PLAC8: variants seen among roughly 807,000 people sequenced by gnomAD.
The protein encoded by PLAC8 is placenta-specific gene 8 protein.
Under a neutral mutation model 12.6 loss-of-function variants are expected in PLAC8, and 6 were observed. The ratio of observed to expected loss-of-function variants is 0.48; its 90% CI spans 0.26 to 0.94. The LOEUF (loss-of-function observed/expected upper bound fraction) is 0.94, where lower values mean the gene tolerates loss of function less well. Among genes scored for constraint, PLAC8 ranks in the 40% least tolerant of loss-of-function variants. The probability of loss-of-function intolerance (pLI) is 0.14; values close to 1 mark genes in which losing one functional copy is unlikely to be tolerated. For missense variants in PLAC8, 122 were observed against 152.7 expected (o/e 0.80, Z 1.06); for synonymous variants, 54 against 52.6 (o/e 1.03, Z -0.11).
At chr4:83,107,996 G>A in intron 1 of PLAC8, 46 bp from the exon 2 acceptor site, 1 of 125,468 alleles carries the variant, frequency 8.0e-6, no homozygotes, top group Non-Finnish European at 1.6e-5. Context: ...TGGGGTGGGG[G>A]GAGGGGAGAG....
chr4:83,092,060 C>G (rs1223952807), intron 4 of PLAC8, among the ~76,000 whole-genome samples: 1 of 152,098 alleles, frequency 6.6e-6, no homozygotes, highest in Non-Finnish European at 1.5e-5. Context: ...TTTAGCTCCC[C>G]ATTTCGATAT....
chr4:83,108,986 T>A (rs779693874), intron 1 of PLAC8, among the ~76,000 whole-genome samples: 36 of 152,122 alleles, frequency 2.4e-4, no homozygotes, highest in Non-Finnish European at 3.1e-4. Flanking sequence ...TGCTGTGTGG[T>A]AGGGGCAGTT....
intron 1 of PLAC8, among the ~76,000 whole-genome samples, chr4:83,108,735 A>G (rs1732323850): frequency 6.6e-6 from 1 of 152,250 alleles, no homozygotes; most frequent in African/African-American, 2.4e-5. Context: ...AGGCTGCGAA[A>G]CAAACGAGCA....
At position 83,112,220 on chromosome 4, in the gene PLAC8, A is replaced by G. The variant is rs62302661; in HGVS notation, c.-30+2446T>C. 2.5e-3 allele frequency among the ~76,000 whole-genome samples: 26 copies of G among 10,594 alleles called. 1 individual carries two copies. Among genetic ancestry groups the G allele is most frequent in the Non-Finnish European group, 7.2e-3 (8 of 1,118 alleles). 7.0% of individuals were successfully genotyped at this position (10,594 alleles called of 152,430 possible). A position where few individuals can be genotyped will look rare whatever the true frequency, so the allele number is the denominator to read the frequency against. ...TATATATATGTATATATATATATGT[A>G]TATATATATATATATATGTATCAGC... On this transcript the variant is annotated intron_variant, in intron 1 of 4. Coordinates refer to ENST00000311507, the MANE Select transcript of PLAC8 (RefSeq NM_016619.3).
At chr4:83,101,824 GA>G (rs1159951439) in intron 3 of PLAC8, among the ~76,000 whole-genome samples, 2 of 150,682 alleles carry the variant, frequency 1.3e-5, no homozygotes, top group African/African-American at 4.9e-5. Context: ...TACCCCATGA[GA>G]AAAAAAAATA....
chr4:83,112,002 C>T (rs889856191), intron 1 of PLAC8, among the ~76,000 whole-genome samples: 2 of 151,844 alleles, frequency 1.3e-5, no homozygotes, highest in Non-Finnish European at 2.9e-5. Flanking sequence ...TGGAGAAACC[C>T]TGTCTCTACT....
intron 1 of PLAC8, among the ~76,000 whole-genome samples, chr4:83,114,225 T>C (rs2126145244): frequency 6.6e-6 from 1 of 152,288 alleles, no homozygotes; most frequent in East Asian, 1.9e-4. Flanking sequence ...ATTCATTAGC[T>C]AAATCTACAA....
rs1478268495 is a variant in PLAC8, at chr4:83,108,391, G to C, written c.-29-441C>G. On this transcript the variant is annotated intron_variant, in intron 1 of 4. Coordinates refer to ENST00000311507, the MANE Select transcript of PLAC8 (RefSeq NM_016619.3). ...ACGGATCATTTGAGGTCAGGAATTC[G>C]AGACCAGCCTGGCCAGTATGGCGAA... Among the ~76,000 whole-genome samples the C allele has an allele frequency of 4.6e-5, 7 of 152,230 alleles. No homozygotes were observed. In the South Asian group the frequency reaches 1.5e-3, roughly 32 times the overall value.
intron 3 of PLAC8, among the ~76,000 whole-genome samples, chr4:83,095,013 TCCAA>T (rs1471079770): frequency 6.6e-6 from 1 of 152,188 alleles, no homozygotes; most frequent in Non-Finnish European, 1.5e-5. Context: ...TAAGGAGATG[TCCAA>T]CCAAACTATC....
At chr4:83,097,957 C>T (rs1731985753) in intron 3 of PLAC8, among the ~76,000 whole-genome samples, 1 of 148,446 alleles carries the variant, frequency 6.7e-6, no homozygotes, top group African/African-American at 2.5e-5. Context: ...CTCCCGGGTT[C>T]AAGTGATTCT....
chr4:83,093,072 C>G (rs992930398), intron 4 of PLAC8: 1 of 152,262 alleles, frequency 6.6e-6, no homozygotes, highest in Non-Finnish European at 1.5e-5. Context: ...GCTGGGATCA[C>G]AGGTGTGAGC....
intron 1 of PLAC8, among the ~76,000 whole-genome samples, chr4:83,108,542 C>T (rs1458806012): frequency 1.3e-5 from 2 of 152,162 alleles, no homozygotes; most frequent in Non-Finnish European, 2.9e-5. Context: ...TGCATTAAGC[C>T]GAGGTCATAC....
intron 4 of PLAC8, chr4:83,094,453 T>G (rs1055251046): frequency 7.8e-6 from 3 of 385,612 alleles, no homozygotes; most frequent in African/African-American, 6.4e-5. Context: ...CTGAGAAGTT[T>G]AGAAAATTCA....
rs567302341 is a variant in PLAC8 at position 83,102,000 on chromosome 4, T to C, written c.243+2896A>G. 9.2e-5 allele frequency among the ~76,000 whole-genome samples: 14 copies of C among 152,216 alleles called. No individual in the cohort carries two copies. In the East Asian group the frequency reaches 2.1e-3, roughly 23 times the overall value. ...TGTTCACTAACAATGTACCTAGACA[T>C]CCAAGAACTCTGATGAAGACATACA... On this transcript the variant is annotated intron_variant, in intron 3 of 4. Coordinates refer to ENST00000311507, the MANE Select transcript of PLAC8 (RefSeq NM_016619.3).
intron 3 of PLAC8, among the ~76,000 whole-genome samples, chr4:83,104,661 G>A (rs781140126): frequency 2.0e-5 from 3 of 152,142 alleles, no homozygotes; most frequent in Non-Finnish European, 2.9e-5. Flanking sequence ...CTCTTCCATG[G>A]TATGACATCC....
At chr4:83,103,677 T>A (rs989367171) in intron 3 of PLAC8, among the ~76,000 whole-genome samples, 3 of 152,096 alleles carry the variant, frequency 2.0e-5, no homozygotes, top group African/African-American at 7.2e-5. Context: ...TTGTTTTTGT[T>A]TTGTTTTGTT....
Position 83,094,806 on chromosome 4 carries a change from A to G in PLAC8, c.244-15T>C. On this transcript the variant is annotated splice_polypyrimidine_tract_variant and intron_variant, in intron 3 of 4. Coordinates refer to ENST00000311507, the MANE Select transcript of PLAC8 (RefSeq NM_016619.3). Reference sequence around the variant, plus strand: ...CAAATAGATCCCTGTTTGAAAACCAAAAAGAAATAAAAATATAAAATTCAC... The same window carrying G: ...CAAATAGATCCCTGTTTGAAAACCAGAAAGAAATAAAAATATAAAATTCAC... 7.0e-7 allele frequency: 1 copy of G among 1,429,786 alleles called. No homozygotes were observed. The highest frequency in any genetic ancestry group is 1.4e-5 in the South Asian group (1 of 74,072). 88.6% of individuals were successfully genotyped at this position (1,429,786 alleles called of 1,614,324 possible). A position where few individuals can be genotyped will look rare whatever the true frequency, so the allele number is the denominator to read the frequency against.
intron 1 of PLAC8, among the ~76,000 whole-genome samples, chr4:83,110,673 C>T (rs1047729134): frequency 6.6e-6 from 1 of 152,212 alleles, no homozygotes; most frequent in Non-Finnish European, 1.5e-5. Context: ...GAGCCCAGCC[C>T]TGGAAACGCA....
At chr4:83,091,196 A>G (rs2126138920) in intron 4 of PLAC8, among the ~76,000 whole-genome samples, 1 of 152,314 alleles carries the variant, frequency 6.6e-6, no homozygotes, top group South Asian at 2.1e-4. Context: ...TACTAATCAA[A>G]GCCCATACTA....
Sources: gnomAD v4.1 joint callset for allele counts (sites outside exome capture counted in the v4.1 genomes callset) on GRCh38, gnomAD v4.1.1 for gene constraint, MANE v1.5 for transcripts, NCBI Gene and HGNC (gene_info 2026-07-23, HGNC 2026-07-21) for gene names.